KLHL32: variants seen among roughly 807,000 people sequenced by gnomAD.
The protein encoded by KLHL32 is kelch-like protein 32.
In KLHL32, 35 loss-of-function variants were observed where a neutral mutation model predicts 64.8. The observed-to-expected ratio is 0.54, with a 90% CI of 0.41 to 0.72. The LOEUF is 0.72. Among genes scored for constraint, KLHL32 ranks in the 30% least tolerant of loss-of-function variants. KLHL32 has a pLI of 0.00. For synonymous variants in KLHL32, 259 were observed against 281.0 expected (o/e 0.92, Z 0.78); for missense variants, 589 against 768.5 (o/e 0.77, Z 2.76).
At chr6:96,991,592 T>G (rs1238996129) in intron 3 of KLHL32, among the ~76,000 whole-genome samples, 1 of 141,910 alleles carries the variant, frequency 7.0e-6, no homozygotes, top group Non-Finnish European at 1.6e-5. Flanking sequence ...GGAGAGATCC[T>G]GCCCATTGAG....
intron 5 of KLHL32, among the ~76,000 whole-genome samples, chr6:97,069,504 G>A (rs1790364248): frequency 1.3e-5 from 2 of 150,980 alleles, no homozygotes; most frequent in Admixed American, 6.6e-5. Flanking sequence ...CATCAGGGCT[G>A]AAGGTATCTG....
chr6:97,092,010 A>G (rs966660155), intron 6 of KLHL32, among the ~76,000 whole-genome samples: 4 of 137,142 alleles, frequency 2.9e-5, no homozygotes, highest in African/African-American at 8.2e-5. Flanking sequence ...TGTTGTTGAG[A>G]TGGAGTTTCA....
chr6:96,957,179 T>C (rs1402363370), intron 1 of KLHL32, among the ~76,000 whole-genome samples: 1 of 152,208 alleles, frequency 6.6e-6, no homozygotes, highest in Non-Finnish European at 1.5e-5. Flanking sequence ...ACATATTTGA[T>C]GAATGAACAG....
chr6:97,119,252 C>T (rs1798118403), intron 7 of KLHL32, among the ~76,000 whole-genome samples: 1 of 152,192 alleles, frequency 6.6e-6, no homozygotes, highest in African/African-American at 2.4e-5. Flanking sequence ...TCTCTATCCC[C>T]TACTGCTACT....
At chr6:97,113,483 C>G (rs751428348) in intron 6 of KLHL32, among the ~76,000 whole-genome samples, 2 of 152,160 alleles carry the variant, frequency 1.3e-5, no homozygotes, top group African/African-American at 2.4e-5. Context: ...TGTTTCACAA[C>G]AGCATTTTCA....
intron 4 of KLHL32, among the ~76,000 whole-genome samples, chr6:97,062,722 A>G (rs1051880432): frequency 2.6e-5 from 4 of 152,234 alleles, no homozygotes; most frequent in Non-Finnish European, 5.9e-5. Context: ...TGCTGGGGAT[A>G]CAAAATAGAC....
At position 97,127,480 on chromosome 6, in the gene KLHL32, A is replaced by G. The variant is rs1471711891; in HGVS notation, c.1413+18A>G. The G allele has an allele frequency of 6.3e-7, 1 of 1,586,072 alleles. No individual in the cohort carries two copies. The highest frequency in any genetic ancestry group is 8.6e-7 in the Non-Finnish European group (1 of 1,156,192). On this transcript the variant is annotated intron_variant, in intron 8 of 10. Coordinates refer to ENST00000369261, the MANE Select transcript of KLHL32 (RefSeq NM_052904.4). ...CTAACCAGGTAAGAATCATGTAAGA[A>G]CACCTCATTATCTTAATTAATGAAT...
At position 97,114,021 on chromosome 6, in the gene KLHL32, A is replaced by T. The variant is rs757907292; in HGVS notation, c.866A>T (p.Asp289Val). ...AGGACCAAACCACGATTCCAGTCAG[A>T]CACTCTGTATATCATTGGTGGGAAA... ...TRRTKPRFQS[D>V]TLYIIGGKKR... The change falls in exon 7 of 11, where the codon GAC (aspartate) becomes GTC (valine). Residue 289 changes from aspartate to valine, a missense_variant. This residue lies in a region of KLHL32 where 226 missense variants were observed against 353.2 expected (regional missense o/e 0.64). Transcript: ENST00000369261. 1 of 1,614,208 alleles carries T rather than the reference A, an allele frequency of 6.2e-7. No individual in the cohort carries two copies. The highest frequency in any genetic ancestry group is 1.1e-5 in the South Asian group (1 of 91,092).
chr6:97,092,782 G>A (rs1794450001), intron 6 of KLHL32, among the ~76,000 whole-genome samples: 1 of 152,150 alleles, frequency 6.6e-6, no homozygotes, highest in African/African-American at 2.4e-5. Context: ...GTTTGTCTGG[G>A]GTATATGCCT....
rs536839090 is a variant in KLHL32, at chr6:97,108,752, T to C, written c.628-5031T>C. On this transcript the variant is annotated intron_variant, in intron 6 of 10. Coordinates refer to ENST00000369261, the MANE Select transcript of KLHL32 (RefSeq NM_052904.4). Reference sequence around the variant, plus strand: ...TGTTTCTATGGCTTACTTTATGTTATCAGAATCAGCCATCGATTTATAGAC... The same window carrying C: ...TGTTTCTATGGCTTACTTTATGTTACCAGAATCAGCCATCGATTTATAGAC... Among the ~76,000 whole-genome samples, 5 of 152,340 alleles carry C rather than the reference T, an allele frequency of 3.3e-5. No homozygotes were observed. In the South Asian group the frequency reaches 8.3e-4, roughly 25 times the overall value.
chr6:96,899,076 G>T, the KLHL32 span, among the ~76,000 whole-genome samples: 2 of 152,144 alleles, frequency 1.3e-5, no homozygotes, highest in African/African-American at 4.8e-5. Context: ...TAATCATTAA[G>T]TATAATGCTT....
chr6:97,006,922 G>T (rs942167260), intron 3 of KLHL32, among the ~76,000 whole-genome samples: 1 of 152,028 alleles, frequency 6.6e-6, no homozygotes, highest in African/African-American at 2.4e-5. Context: ...GCTTTTAAGA[G>T]TTTTTCTTTC....
At chr6:97,086,538 T>A (rs897979082) in intron 6 of KLHL32, among the ~76,000 whole-genome samples, 2 of 152,190 alleles carry the variant, frequency 1.3e-5, no homozygotes, top group Admixed American at 1.3e-4. Flanking sequence ...AAAATGAGGC[T>A]TCTGTGCCTT....
intron 3 of KLHL32, among the ~76,000 whole-genome samples, chr6:96,988,962 G>C (rs895965097): frequency 6.6e-6 from 1 of 152,112 alleles, no homozygotes; most frequent in Non-Finnish European, 1.5e-5. Flanking sequence ...TGTGGGGTTG[G>C]GGGAGGGAGG....
In KLHL32 at chr6:96,925,043, C is replaced by T. The variant is rs971325288; in HGVS notation, c.-66+17C>T. On this transcript the variant is annotated intron_variant, in intron 1 of 10. Coordinates refer to ENST00000369261, the MANE Select transcript of KLHL32 (RefSeq NM_052904.4). ...CCCCATCGGGTAAGCCAGTCTCTCT[C>T]CTTGTAACCTGTTCTGCAGACCTGA... 8.5e-5 allele frequency: 13 copies of T among 152,282 alleles called. No individual in the cohort carries two copies. The highest frequency in any genetic ancestry group is 3.1e-4 in the African/African-American group (13 of 41,462). 9.4% of individuals were successfully genotyped at this position (152,282 alleles called of 1,614,324 possible). A position where few individuals can be genotyped will look rare whatever the true frequency, so the allele number is the denominator to read the frequency against.
chr6:96,982,529 G>A (rs1026878907), intron 3 of KLHL32, among the ~76,000 whole-genome samples: 11 of 152,074 alleles, frequency 7.2e-5, no homozygotes, highest in Admixed American at 5.2e-4. Context: ...TTTAATTGGG[G>A]CATTTAGTTC....
At chr6:97,120,563 A>G (rs1040296904) in intron 7 of KLHL32, among the ~76,000 whole-genome samples, 1 of 152,244 alleles carries the variant, frequency 6.6e-6, no homozygotes, top group African/African-American at 2.4e-5. Flanking sequence ...AAAGGTTATG[A>G]GACTGGAATA....
chr6:97,074,190 T>C (rs1470562637), intron 5 of KLHL32, among the ~76,000 whole-genome samples: 1 of 152,202 alleles, frequency 6.6e-6, no homozygotes, highest in Non-Finnish European at 1.5e-5. Context: ...AGGAATCATC[T>C]GAATGGATGG....
chr6:97,025,144 T>G (rs1428708635), intron 3 of KLHL32: 1 of 979,858 alleles, frequency 1.0e-6, no homozygotes, highest in Non-Finnish European at 1.2e-6. Context: ...GTGAGCCTGA[T>G]GAATTGGTAT....
Sources: gnomAD v4.1 joint callset for allele counts (sites outside exome capture counted in the v4.1 genomes callset) on GRCh38, gnomAD v4.1.1 for gene constraint, gnomAD v4.1.1 regional missense constraint, MANE v1.5 for transcripts, NCBI Gene and HGNC (gene_info 2026-07-23, HGNC 2026-07-21) for gene names.